CIITA: variants seen among roughly 807,000 people sequenced by gnomAD.
CIITA encodes MHC class II transactivator.
A neutral mutation model predicts 115.1 loss-of-function variants in CIITA; 72 were observed. That is an observed-to-expected ratio of 0.63 (90% CI 0.52 to 0.76). The LOEUF is 0.76. Ranked by LOEUF, CIITA falls within the 30% of genes least tolerant of loss-of-function variation. The pLI is 0.00. For synonymous variants in CIITA, 763 were observed against 635.6 expected, an observed-to-expected ratio of 1.20 and a Z score of -3.02; for missense variants, 1,617 against 1,463.8, an observed-to-expected ratio of 1.10 and a Z score of -1.71.
chr16:10,870,169 CAAAAAAA>C (rs34256366), intron 1 of CIITA, among the ~76,000 whole-genome samples: 7 of 46,246 alleles, frequency 1.5e-4, no homozygotes, highest in East Asian at 1.6e-3. Flanking sequence ...GTACTTCCTG[CAAAAAAA>C]AAAAAAAAAA....
At chr16:10,871,039 C>T (rs941356675) in intron 1 of CIITA, among the ~76,000 whole-genome samples, 1 of 152,240 alleles carries the variant, frequency 6.6e-6, no homozygotes, top group African/African-American at 2.4e-5. Context: ...GTTGAACTGG[C>T]ACATGGGCCA....
Position 10,942,264 on chromosome 16 carries a change from C to T in CIITA, n.1390C>T. 2.9e-6 allele frequency: 1 copy of T among 341,940 alleles called. No individual in the cohort carries two copies. The highest frequency in any genetic ancestry group is 5.3e-6 in the Non-Finnish European group (1 of 188,200). 21.2% of individuals were successfully genotyped at this position (341,940 alleles called of 1,614,324 possible). On this transcript the variant is annotated non_coding_transcript_exon_variant, in exon 2 of 2. Transcript: ENST00000573379. This position sits in a 1 kb window ranked among gnomAD's most constrained non-coding sequence, Gnocchi z 5.0. ...AGGCGGGCCCCCCTGAAGTGGCCCG[C>T]GGCTGCCCGGCTCCCTCGTGGCGCC...
chr16:10,917,696 T>C (rs2040033054), intron 15 of CIITA, among the ~76,000 whole-genome samples: 1 of 152,040 alleles, frequency 6.6e-6, no homozygotes, highest in Admixed American at 6.6e-5. Context: ...GCCAGGCTGG[T>C]CTTGAACTCC....
Position 10,879,105 on chromosome 16 carries a change from T to C in CIITA, c.52+1723T>C, listed in dbSNP as rs1259791643. On this transcript the variant is annotated intron_variant, in intron 1 of 19. Coordinates refer to ENST00000324288, the MANE Select transcript of CIITA (RefSeq NM_000246.4). This position sits in a 1 kb window ranked among gnomAD's most constrained non-coding sequence, Gnocchi z 4.3. ...GGGCTGAGAATCGAGGCTCCGAGAC[T>C]GTCAGCTACTTGCTCAAGGTCACAC... 1 of 189,564 alleles carries C rather than the reference T, an allele frequency of 5.3e-6. No homozygotes were observed. The allele number at this position is 189,564 out of a possible 1,614,324, so 11.7% of individuals were successfully genotyped here. A position where few individuals can be genotyped will look rare whatever the true frequency, so the allele number is the denominator to read the frequency against.
rs199476061 is a variant in CIITA, at chr16:10,895,676, C to G, written c.207C>G (p.Asp69Glu). 47 of 1,614,156 alleles carry G rather than the reference C, an allele frequency of 2.9e-5. No homozygotes were observed. The African/African-American group carries it at 4.5e-4, about 16-fold the overall frequency. Residue 69 changes from aspartate (D) to glutamate (E), a missense_variant, in exon 3 of 20, where the codon GAC becomes GAG. Asp to Glu is a conservative substitution (Grantham distance 45, BLOSUM62 2). Transcript: ENST00000324288. ...EEEIELYSEPDTDTINCDQFS... is the reference protein window; with the variant it reads ...EEEIELYSEPETDTINCDQFS... ...AGGGACTTTTCCTCCCAGAACCCGA[C>G]ACAGACACCATCAACTGCGACCAGT...
At chr16:10,914,584 C>T (rs2039820743) in intron 13 of CIITA, among the ~76,000 whole-genome samples, 1 of 152,154 alleles carries the variant, frequency 6.6e-6, no homozygotes, top group East Asian at 1.9e-4. Flanking sequence ...ATATGGAATG[C>T]ATTTAACCAT....
chr16:10,907,271 A>G lies in CIITA; in HGVS notation c.1779A>G (p.Arg593=). The change falls in exon 11 of 20, where the codon AGA becomes AGG. Residue 593 remains arginine (R), a synonymous_variant. Coordinates refer to ENST00000324288, the MANE Select transcript of CIITA (RefSeq NM_000246.4). This position sits in a 1 kb window ranked among gnomAD's most constrained non-coding sequence, Gnocchi z 5.0. ...CAGGGATGACAGAGCACCAAGACAGAGCCCTGACGCTCCTCCGGGACCGGC... is the reference window on the plus strand; with the variant it reads ...CAGGGATGACAGAGCACCAAGACAGGGCCCTGACGCTCCTCCGGGACCGGC... ...ESSGMTEHQD[R]ALTLLRDRPL... The G allele has an allele frequency of 1.2e-6, 2 of 1,613,238 alleles. No individual in the cohort carries two copies. The highest frequency in any genetic ancestry group is 1.7e-6 in the Non-Finnish European group (2 of 1,179,934).
intron 1 of CIITA, among the ~76,000 whole-genome samples, chr16:10,867,589 G>A (rs1184789259): frequency 6.6e-6 from 1 of 152,026 alleles, no homozygotes; most frequent in African/African-American, 2.4e-5. Flanking sequence ...ACTCGCTTAC[G>A]GGAGAGAGAA....
At chr16:10,885,064 T>G (rs2036802996) in intron 1 of CIITA, among the ~76,000 whole-genome samples, 1 of 151,992 alleles carries the variant, frequency 6.6e-6, no homozygotes, top group South Asian at 2.1e-4. Flanking sequence ...CAGAAGGCAA[T>G]AGGGAGTAGT....
At chr16:10,898,649 C>A (rs753067742) in intron 3 of CIITA, 21 bp from the exon 4 acceptor site, 2 of 1,600,030 alleles carry the variant, frequency 1.2e-6, no homozygotes, top group South Asian at 1.1e-5. Flanking sequence ...TGATTGACTG[C>A]GCTTTTCCTT....
intron 1 of CIITA, among the ~76,000 whole-genome samples, chr16:10,886,942 G>C (rs906500959): frequency 6.6e-6 from 1 of 152,172 alleles, no homozygotes; most frequent in African/African-American, 2.4e-5. Context: ...TCTTTGGCAG[G>C]GACTGTGTGG....
At chr16:10,915,500 C>A in intron 13 of CIITA, 70 bp from the exon 14 acceptor site, 1 of 1,258,682 alleles carries the variant, frequency 7.9e-7, no homozygotes, top group Non-Finnish European at 1.2e-6. Flanking sequence ...CTTGTCTCTG[C>A]CCCACCCTGG....
chr16:10,886,991 A>G (rs2143892487), intron 1 of CIITA, among the ~76,000 whole-genome samples: 1 of 152,324 alleles, frequency 6.6e-6, no homozygotes, highest in South Asian at 2.1e-4. Context: ...GAGCTCAGTG[A>G]CTTTCTTACG....
chr16:10,902,676 C>G lies in CIITA; in HGVS notation c.647C>G (p.Ser216Trp). ...DQIPMPFSSS[S>W]LSCLNLPEGP... Reference sequence around the variant, plus strand: ...CTTGCAGTGCCTTTCTCCAGTTCCTCGTTGAGCTGCCTGAATCTCCCTGAG... The same window carrying G: ...CTTGCAGTGCCTTTCTCCAGTTCCTGGTTGAGCTGCCTGAATCTCCCTGAG... The change falls in exon 8 of 20, where the codon TCG becomes TGG. Residue 216 changes from serine (S) to tryptophan (W), a missense_variant. Physicochemically the swap from Ser to Trp is radical, Grantham distance 177. Coordinates refer to ENST00000324288, the MANE Select transcript of CIITA (RefSeq NM_000246.4). 1 of 1,614,244 alleles carries G rather than the reference C, an allele frequency of 6.2e-7. No homozygotes were observed.
At chr16:10,871,076 C>T (rs1160242337) in intron 1 of CIITA, among the ~76,000 whole-genome samples, 2 of 152,236 alleles carry the variant, frequency 1.3e-5, no homozygotes, top group Non-Finnish European at 2.9e-5. Flanking sequence ...GAGTGCCTGT[C>T]CTGCCTTCCC....
chr16:10,922,143 C>T (rs545122391), intron 16 of CIITA, 24 bp from the exon 17 acceptor site: 1 of 1,609,744 alleles, frequency 6.2e-7, no homozygotes, highest in Non-Finnish European at 8.5e-7. Context: ...TCCAATCCCT[C>T]CCCCTGGCCT....
chr16:10,919,497 G>T (rs1162616768), intron 16 of CIITA, among the ~76,000 whole-genome samples: 2 of 125,574 alleles, frequency 1.6e-5, no homozygotes, highest in African/African-American at 5.4e-5. Flanking sequence ...CACCATGCCC[G>T]GCCAACTTAT....
At chr16:10,922,569 T>A (rs1177205680) in intron 18 of CIITA, 79 bp downstream of exon 18, 1 of 1,438,032 alleles carries the variant, frequency 7.0e-7, no homozygotes, top group Non-Finnish European at 9.7e-7. Context: ...GGAGCTCAAA[T>A]CATGCTCTTC....
chr16:10,908,256 C>A lies in CIITA; in HGVS notation c.2657+107C>A, dbSNP rs199476073. ...GGTCTCTTTTAGTATGCAGAGCAGCCGGGTGGGGCAGAATGGATTCTCTCC... is the reference window on the plus strand; with the variant it reads ...GGTCTCTTTTAGTATGCAGAGCAGCAGGGTGGGGCAGAATGGATTCTCTCC... On this transcript the variant is annotated intron_variant, in intron 11 of 19. Transcript: ENST00000324288. 1.1e-4 allele frequency: 147 copies of A among 1,314,042 alleles called. No homozygotes were observed. The highest frequency in any genetic ancestry group is 4.1e-4 in the Admixed American group (21 of 50,682). 81.4% of individuals were successfully genotyped at this position (1,314,042 alleles called of 1,614,324 possible). A position where few individuals can be genotyped will look rare whatever the true frequency, so the allele number is the denominator to read the frequency against.
Sources: gnomAD v4.1 joint callset for allele counts (sites outside exome capture counted in the v4.1 genomes callset) on GRCh38, gnomAD v4.1.1 for gene constraint, Gnocchi (gnomAD v3.1) non-coding constraint, MANE v1.5 for transcripts, NCBI Gene and HGNC (gene_info 2026-07-23, HGNC 2026-07-21) for gene names.